The following COG5 variants were observed in gnomAD, a reference collection of about 807,000 sequenced individuals.
COG5 encodes the protein conserved oligomeric Golgi complex subunit 5.
In COG5, 86 loss-of-function variants were observed where a neutral mutation model predicts 110.4. That is an observed-to-expected ratio of 0.78 (90% confidence interval 0.65 to 0.93). The LOEUF (loss-of-function observed/expected upper bound fraction) is 0.93. Ranked by LOEUF, COG5 falls within the 40% of genes least tolerant of loss-of-function variation. The pLI, the probability that COG5 is intolerant of heterozygous loss-of-function variation, is 0.00. For synonymous variants in COG5, 360 were observed against 334.6 expected, an observed-to-expected ratio of 1.08 and a Z score of -0.83; for missense variants, 1,077 against 987.0, an observed-to-expected ratio of 1.09 and a Z score of -1.22.
At chr7:107,537,325 A>G (rs1470969800) in intron 5 of COG5, among the ~76,000 whole-genome samples, 1 of 152,222 alleles carries the variant, frequency 6.6e-6, no homozygotes, top group African/African-American at 2.4e-5. Flanking sequence ...AATGGCAAAG[A>G]CTTGGAACCA....
intron 11 of COG5, among the ~76,000 whole-genome samples, chr7:107,320,077 A>T (rs1281365522): frequency 1.3e-5 from 2 of 152,216 alleles, no homozygotes; most frequent in African/African-American, 4.8e-5. Context: ...AGACCCATGC[A>T]GGCAAGCTTA....
rs1468916496 is a variant in COG5 at position 107,399,523 on chromosome 7, C to T, written c.669+12979G>A. Among the ~76,000 whole-genome samples the T allele has an allele frequency of 2.0e-5, 3 of 152,138 alleles. No homozygotes were observed. The East Asian group carries it at 5.8e-4, about 29-fold the overall frequency. ...GCTCCACACACACTCCTCTCTCTTG[C>T]CTGCCACCATGTAAGACATGCCTCA... On this transcript the variant is annotated intron_variant, in intron 7 of 21. Coordinates refer to ENST00000297135, the MANE Select transcript of COG5 (RefSeq NM_006348.5).
intron 10 of COG5, among the ~76,000 whole-genome samples, chr7:107,353,201 G>A (rs553078385): frequency 4.6e-4 from 70 of 152,014 alleles, no homozygotes; most frequent in South Asian, 2.1e-3. Flanking sequence ...CGAGGTGGGC[G>A]GATCACAAGG....
intron 6 of COG5, among the ~76,000 whole-genome samples, chr7:107,463,972 G>A (rs912199216): frequency 3.9e-5 from 6 of 152,032 alleles, no homozygotes; most frequent in African/African-American, 1.2e-4. Context: ...ACAGGACCAC[G>A]TAGGATGGCG....
chr7:107,292,898 G>A (rs554135063), intron 12 of COG5, among the ~76,000 whole-genome samples: 2 of 152,298 alleles, frequency 1.3e-5, no homozygotes, highest in African/African-American at 2.4e-5. Flanking sequence ...TAGACATACA[G>A]CTTAGAAGGT....
At chr7:107,484,043 T>TC (rs1367849411) in intron 6 of COG5, among the ~76,000 whole-genome samples, 3 of 152,070 alleles carry the variant, frequency 2.0e-5, no homozygotes, top group Non-Finnish European at 4.4e-5. Context: ...TTTATATATA[T>TC]CCTCCCTTAT....
chr7:107,558,914 CAA>C (rs34483652), intron 1 of COG5, among the ~76,000 whole-genome samples: 1,796 of 31,142 alleles, frequency 0.058, 52 homozygotes, highest in East Asian at 0.16. Context: ...GACTTCATCT[CAA>C]AAAAAAAAAA....
At chr7:107,324,970 A>G (rs1451330148) in intron 10 of COG5, among the ~76,000 whole-genome samples, 3 of 152,202 alleles carry the variant, frequency 2.0e-5, no homozygotes, top group East Asian at 3.9e-4. Context: ...TTGTGTGACT[A>G]TAACAAAATG....
chr7:107,281,491 G>T, intron 13 of COG5, 92 bp from the exon 14 acceptor site: 2 of 911,494 alleles, frequency 2.2e-6, no homozygotes, highest in Non-Finnish European at 3.6e-6. Flanking sequence ...AATAAGCAAT[G>T]TGGTTATTCT....
intron 2 of COG5, among the ~76,000 whole-genome samples, chr7:107,556,201 G>C (rs1227479336): frequency 6.6e-6 from 1 of 152,156 alleles, no homozygotes; most frequent in Non-Finnish European, 1.5e-5. Flanking sequence ...CCAGGCCTCT[G>C]TATTGCATCT....
intron 7 of COG5, among the ~76,000 whole-genome samples, chr7:107,386,372 A>T (rs1211305576): frequency 2.5e-4 from 38 of 151,978 alleles, no homozygotes; most frequent in Admixed American, 2.5e-3. Context: ...CAAGCATAAC[A>T]TCTGTGTCAG....
chr7:107,489,820 A>G (rs1350202249), intron 6 of COG5, among the ~76,000 whole-genome samples: 1 of 152,240 alleles, frequency 6.6e-6, no homozygotes. Flanking sequence ...AAAGAAAAAG[A>G]AATCCAAGTC....
At chr7:107,247,394 A>T (rs1336170098) in intron 17 of COG5, among the ~76,000 whole-genome samples, 3 of 152,206 alleles carry the variant, frequency 2.0e-5, no homozygotes, top group Non-Finnish European at 4.4e-5. Context: ...AAAATTAAAA[A>T]ACTTTGTAAA....
chr7:107,229,754 A>G (rs1466594795), intron 19 of COG5, among the ~76,000 whole-genome samples: 1 of 151,700 alleles, frequency 6.6e-6, no homozygotes, highest in East Asian at 1.9e-4. Context: ...TTTTTTGCTC[A>G]ACTGCATTAG....
chr7:107,239,620 T>G (rs1801460816), intron 17 of COG5, among the ~76,000 whole-genome samples: 1 of 152,224 alleles, frequency 6.6e-6, no homozygotes, highest in Non-Finnish European at 1.5e-5. Flanking sequence ...TTTTGTTGAT[T>G]TCTTTCATTG....
chr7:107,288,272 G>C (rs1301532456), intron 12 of COG5, among the ~76,000 whole-genome samples: 1 of 152,284 alleles, frequency 6.6e-6, no homozygotes, highest in South Asian at 2.1e-4. Context: ...CTGAGGTGGA[G>C]GACTGCTTGA....
chr7:107,367,642 G>T (rs980188990), intron 8 of COG5, among the ~76,000 whole-genome samples: 3 of 151,992 alleles, frequency 2.0e-5, no homozygotes, highest in East Asian at 1.9e-4. Flanking sequence ...GCAGCAACTT[G>T]GATGGAACAA....
chr7:107,467,551 C>T lies in COG5; in HGVS notation c.539-54919G>A, dbSNP rs1796370992. On this transcript the variant is annotated intron_variant, in intron 6 of 21. Coordinates refer to ENST00000297135, the MANE Select transcript of COG5 (RefSeq NM_006348.5). Reference sequence around the variant, plus strand: ...ATTTTTTGTAGAGACAGGGTTTCACCATGTTGGCCAGACTGGTCTCGAACT... The same window carrying T: ...ATTTTTTGTAGAGACAGGGTTTCACTATGTTGGCCAGACTGGTCTCGAACT... Among the ~76,000 whole-genome samples the T allele has an allele frequency of 2.0e-5, 3 of 152,036 alleles. No homozygotes were observed. In the South Asian group the frequency reaches 6.2e-4, roughly 32 times the overall value.
chr7:107,290,581 T>C (rs1388862565), intron 12 of COG5, among the ~76,000 whole-genome samples: 2 of 152,242 alleles, frequency 1.3e-5, no homozygotes, highest in Non-Finnish European at 2.9e-5. Flanking sequence ...TGTAGAACTT[T>C]CTTTAGTATT....
Sources: allele counts gnomAD v4.1 joint callset (sites outside exome capture counted in the v4.1 genomes callset), GRCh38; gene constraint gnomAD v4.1.1; transcripts MANE v1.5; gene names NCBI Gene and HGNC (gene_info 2026-07-23, HGNC 2026-07-21).